PDZRN3: variants seen among roughly 807,000 people sequenced by gnomAD.
PDZRN3 encodes the protein PDZ domain containing ring finger 3.
Under a neutral mutation model 85.7 loss-of-function variants are expected in PDZRN3, and 38 were observed. The ratio of observed to expected loss-of-function variants is 0.44; its 90% CI spans 0.34 to 0.58. PDZRN3 has a LOEUF of 0.58. Ranked by LOEUF, PDZRN3 falls within the 20% of genes least tolerant of loss-of-function variation. The pLI is 0.01. For missense variants in PDZRN3, 1,629 were observed against 1,506.4 expected (o/e 1.08, Z -1.35); for synonymous variants, 759 against 638.0 (o/e 1.19, Z -2.86).
At chr3:73,439,953 G>T (rs1310776915) in intron 3 of PDZRN3, among the ~76,000 whole-genome samples, 1 of 152,056 alleles carries the variant, frequency 6.6e-6, no homozygotes, top group African/African-American at 2.4e-5. Context: ...GGCCAGGCTG[G>T]TCTTGAACTC....
At chr3:73,430,652 C>T (rs917673220) in intron 3 of PDZRN3, among the ~76,000 whole-genome samples, 3 of 152,174 alleles carry the variant, frequency 2.0e-5, no homozygotes, top group Non-Finnish European at 4.4e-5. Flanking sequence ...ATCAAACCCA[C>T]AGAGCCACAG....
intron 3 of PDZRN3, among the ~76,000 whole-genome samples, chr3:73,424,580 G>A (rs62246074): frequency 0.51 from 74,138 of 144,666 alleles, 19,645 homozygotes; most frequent in East Asian, 0.75. Flanking sequence ...TGCAAAGACA[G>A]GATACAAACT....
At chr3:73,616,584 G>C (rs1199286146) in intron 1 of PDZRN3, among the ~76,000 whole-genome samples, 1 of 152,166 alleles carries the variant, frequency 6.6e-6, no homozygotes, top group Non-Finnish European at 1.5e-5. Flanking sequence ...GGTTACTCAG[G>C]GGCAGCAGGA....
At chr3:73,537,878 G>A (rs115482052) in intron 3 of PDZRN3, among the ~76,000 whole-genome samples, 2,551 of 151,754 alleles carry the variant, frequency 0.017, 78 homozygotes, top group African/African-American at 0.058. Context: ...CGCCCGCCTC[G>A]GCTTTCTGAA....
At chr3:73,574,751 C>T (rs186869167) in intron 3 of PDZRN3, among the ~76,000 whole-genome samples, 1 of 152,342 alleles carries the variant, frequency 6.6e-6, no homozygotes, top group Non-Finnish European at 1.5e-5. Flanking sequence ...ATACAGCAAA[C>T]TTAGCCAAAG....
chr3:73,607,847 A>G (rs961323471), intron 2 of PDZRN3, among the ~76,000 whole-genome samples: 1 of 152,184 alleles, frequency 6.6e-6, no homozygotes, highest in African/African-American at 2.4e-5. Flanking sequence ...CCTATGTTCA[A>G]TACTTATTTG....
intron 3 of PDZRN3, among the ~76,000 whole-genome samples, chr3:73,540,193 AAGTC>A (rs1484371416): frequency 1.3e-5 from 2 of 151,978 alleles, no homozygotes; most frequent in Admixed American, 6.6e-5. Flanking sequence ...AAATAGGAAA[AAGTC>A]AGTATTTCTC....
chr3:73,538,283 T>G (rs78953148), intron 3 of PDZRN3, among the ~76,000 whole-genome samples: 338 of 152,374 alleles, frequency 2.2e-3, no homozygotes, highest in African/African-American at 7.5e-3. Context: ...TTAATTTTCT[T>G]GCAGAGAACA....
chr3:73,450,168 A>G (rs981535102), intron 3 of PDZRN3, among the ~76,000 whole-genome samples: 15 of 152,212 alleles, frequency 9.9e-5, no homozygotes, highest in Non-Finnish European at 1.3e-4. Context: ...AGATATTTTT[A>G]TATTTAATGT....
At chr3:73,548,722 TTTAG>T (rs1478087846) in intron 3 of PDZRN3, among the ~76,000 whole-genome samples, 8 of 152,218 alleles carry the variant, frequency 5.3e-5, no homozygotes, top group African/African-American at 1.9e-4. Flanking sequence ...CAACACCTGT[TTTAG>T]TTAAAAATTA....
chr3:73,510,703 C>T (rs1704148254), intron 3 of PDZRN3, among the ~76,000 whole-genome samples: 1 of 152,128 alleles, frequency 6.6e-6, no homozygotes, highest in South Asian at 2.1e-4. Flanking sequence ...ATATATTGCC[C>T]AGGGCCCAAA....
intron 3 of PDZRN3, among the ~76,000 whole-genome samples, chr3:73,421,319 T>A (rs532950247): frequency 6.6e-6 from 1 of 152,310 alleles, no homozygotes; most frequent in Admixed American, 6.5e-5. Flanking sequence ...CCAGAGACTC[T>A]TCCGGGGTCA....
chr3:73,571,663 G>T (rs956459893), intron 3 of PDZRN3, among the ~76,000 whole-genome samples: 1 of 152,142 alleles, frequency 6.6e-6, no homozygotes, highest in Non-Finnish European at 1.5e-5. Context: ...CGCAGCTGCC[G>T]GGGTGAGAGT....
chr3:73,383,819 T>C lies in PDZRN3; in HGVS notation c.2747A>G (p.Glu916Gly). Residue 916 changes from glutamate (E) to glycine (G), a missense_variant, in exon 10 of 10, where the codon GAG (glutamate) becomes GGG (glycine). Coordinates refer to ENST00000263666, the MANE Select transcript of PDZRN3 (RefSeq NM_015009.3). ...CKDLSSPTPSEPRMEWKVKIR... is the reference protein window; with the variant it reads ...CKDLSSPTPSGPRMEWKVKIR... ...CTTCACCTTCCACTCCATGCGCGGC[T>C]CCGACGGGGTGGGAGAGCTCAGGTC... The C allele has an allele frequency of 6.2e-7, 1 of 1,613,782 alleles. No individual in the cohort carries two copies. Among genetic ancestry groups the C allele is most frequent in the Non-Finnish European group, 8.5e-7 (1 of 1,180,008 alleles).
intron 2 of PDZRN3, among the ~76,000 whole-genome samples, chr3:73,607,863 T>C (rs555263152): frequency 2.4e-4 from 37 of 152,340 alleles, no homozygotes; most frequent in African/African-American, 8.7e-4. Flanking sequence ...ATTTGTTGAA[T>C]GAAAGATTTT....
intron 1 of PDZRN3, among the ~76,000 whole-genome samples, chr3:73,609,300 CAGAA>C (rs1322091967): frequency 5.3e-5 from 8 of 152,102 alleles, no homozygotes; most frequent in African/African-American, 1.7e-4. Context: ...AGCTGTTTAA[CAGAA>C]AGCACTCTGT....
chr3:73,443,499 G>C (rs868766924), intron 3 of PDZRN3, among the ~76,000 whole-genome samples: 15 of 44,352 alleles, frequency 3.4e-4, no homozygotes, highest in Non-Finnish European at 5.5e-4. Flanking sequence ...TTTTTTTTTT[G>C]GGGGGGGGAC....
At position 73,384,766 on chromosome 3, in the gene PDZRN3, C is replaced by T; in HGVS notation, c.1800G>A (p.Leu600=). The T allele has an allele frequency of 6.2e-7, 1 of 1,613,976 alleles. No individual in the cohort carries two copies. Among genetic ancestry groups the T allele is most frequent in the South Asian group, 1.1e-5 (1 of 91,078 alleles). ...TGCAGGTGAGCTTCCTCTGCCCCGC[C>T]AGCGGGTTGGAGGATGCGGTGGCGT... ...GDDATASSNP[L]AGQRKLTCSQ... The change falls in exon 10 of 10, where the codon CTG becomes CTA. Residue 600 remains leucine (L), a synonymous_variant. Transcript: ENST00000263666.
intron 3 of PDZRN3, among the ~76,000 whole-genome samples, chr3:73,534,790 C>T (rs1349675730): frequency 6.6e-6 from 1 of 152,190 alleles, no homozygotes; most frequent in Non-Finnish European, 1.5e-5. Context: ...GGAACTGAGG[C>T]TCAGAAAAGA....
Sources: allele counts gnomAD v4.1 joint callset (sites outside exome capture counted in the v4.1 genomes callset), GRCh38; gene constraint gnomAD v4.1.1; transcripts MANE v1.5; gene names NCBI Gene and HGNC (gene_info 2026-07-23, HGNC 2026-07-21).